LRP1B: variants seen among roughly 807,000 people sequenced by gnomAD.
LRP1B encodes low-density lipoprotein receptor-related protein 1B.
In LRP1B, 217 loss-of-function variants were observed where a neutral mutation model predicts 556.6. The observed-to-expected ratio is 0.39, with a 90% CI of 0.35 to 0.44. The LOEUF is 0.44. Ranked by LOEUF, LRP1B falls within the 20% of genes least tolerant of loss-of-function variation. The probability of loss-of-function intolerance (pLI) is 1.00; values close to 1 mark genes in which losing one functional copy is unlikely to be tolerated. For synonymous variants in LRP1B, 2,047 were observed against 1,865.8 expected (o/e 1.10, Z -2.50); for missense variants, 5,053 against 5,620.8 (o/e 0.90, Z 3.23).
At chr2:141,836,544 G>A (rs754389175) in intron 1 of LRP1B, among the ~76,000 whole-genome samples, 4 of 151,678 alleles carry the variant, frequency 2.6e-5, no homozygotes, top group Non-Finnish European at 4.4e-5. Context: ...GAGCATCACC[G>A]GCAAATATTA....
intron 14 of LRP1B, among the ~76,000 whole-genome samples, chr2:141,006,839 C>T (rs929116606): frequency 1.3e-5 from 2 of 151,830 alleles, no homozygotes; most frequent in African/African-American, 4.8e-5. Context: ...TGTATCTAAA[C>T]ATATAAAAGT....
At position 141,329,655 on chromosome 2, in the gene LRP1B, A is replaced by AAAACAAAAAAAAAC. The variant is rs769816988; in HGVS notation, c.344-75015_344-75014insGTTTTTTTTTGTTT. On this transcript the variant is annotated intron_variant, in intron 3 of 90. Coordinates refer to ENST00000389484, the MANE Select transcript of LRP1B (RefSeq NM_018557.3). ...CGAGACTCTGTCTCAAAAAAAAAAA[A>AAAACAAAAAAAAAC]AAAAAAAAAACTATCTCTCTCTCTA... 3.6e-5 allele frequency among the ~76,000 whole-genome samples: 5 copies of AAAACAAAAAAAAAC among 138,134 alleles called. 1 individual carries two copies. The highest frequency in any genetic ancestry group is 2.0e-4 in the East Asian group (1 of 4,904). 90.6% of individuals were successfully genotyped at this position (138,134 alleles called of 152,430 possible).
chr2:141,649,204 C>T lies in LRP1B; in HGVS notation c.205+161075G>A, dbSNP rs531208018. ...TAAGTTTGCAGGGTTATCTTTTGGA[C>T]ACATGGGAGCCTGGTAAGATAAGGA... On this transcript the variant is annotated intron_variant, in intron 2 of 90. Coordinates refer to ENST00000389484, the MANE Select transcript of LRP1B (RefSeq NM_018557.3). 4.5e-4 allele frequency among the ~76,000 whole-genome samples: 69 copies of T among 152,158 alleles called. No individual in the cohort carries two copies. In the South Asian group the frequency reaches 5.6e-3, roughly 12 times the overall value.
intron 2 of LRP1B, among the ~76,000 whole-genome samples, chr2:141,562,349 T>G (rs1463613105): frequency 1.3e-5 from 2 of 152,044 alleles, no homozygotes; most frequent in African/African-American, 4.8e-5. Flanking sequence ...CTTTTCCATA[T>G]CCAATAGCTA....
intron 86 of LRP1B, among the ~76,000 whole-genome samples, chr2:140,254,193 TTAAAA>T (rs756050976): frequency 7.9e-5 from 12 of 152,146 alleles, no homozygotes; most frequent in South Asian, 2.1e-4. Flanking sequence ...TAACTGCACT[TTAAAA>T]TAAAGCAGTT....
At chr2:140,516,443 A>G (rs1389269217) in intron 50 of LRP1B, among the ~76,000 whole-genome samples, 1 of 152,070 alleles carries the variant, frequency 6.6e-6, no homozygotes, top group Non-Finnish European at 1.5e-5. Context: ...TATATAAGGG[A>G]CTTGAGCATC....
At chr2:141,915,338 A>G (rs1558958642) in intron 1 of LRP1B, among the ~76,000 whole-genome samples, 1 of 152,182 alleles carries the variant, frequency 6.6e-6, no homozygotes, top group Non-Finnish European at 1.5e-5. Flanking sequence ...ACAACAATAC[A>G]GCATACAAAA....
intron 6 of LRP1B, among the ~76,000 whole-genome samples, chr2:141,228,504 G>T (rs1466750567): frequency 6.7e-6 from 1 of 149,200 alleles, no homozygotes; most frequent in African/African-American, 2.5e-5. Context: ...ATGAGTGTGT[G>T]TGTGTACTCC....
At chr2:140,694,937 C>A (rs1686374553) in intron 41 of LRP1B, among the ~76,000 whole-genome samples, 1 of 151,242 alleles carries the variant, frequency 6.6e-6, no homozygotes, top group Admixed American at 6.6e-5. Context: ...AAATTTTTTT[C>A]TTACATATGT....
intron 71 of LRP1B, among the ~76,000 whole-genome samples, chr2:140,370,473 T>G (rs1166814795): frequency 6.6e-6 from 1 of 151,976 alleles, no homozygotes; most frequent in East Asian, 1.9e-4. Context: ...TGGTAGACAC[T>G]CAGTAAACAC....
At chr2:141,595,557 A>G (rs1687485378) in intron 2 of LRP1B, among the ~76,000 whole-genome samples, 1 of 152,126 alleles carries the variant, frequency 6.6e-6, no homozygotes, top group Admixed American at 6.6e-5. Flanking sequence ...TTTGAAGTGT[A>G]TAATTTATTT....
chr2:141,349,988 A>T (rs1688387225), intron 3 of LRP1B, among the ~76,000 whole-genome samples: 1 of 152,108 alleles, frequency 6.6e-6, no homozygotes, highest in Admixed American at 6.5e-5. Flanking sequence ...AGGCCACACA[A>T]TCATGCCAGA....
At chr2:141,168,038 T>C (rs549300145) in intron 7 of LRP1B, among the ~76,000 whole-genome samples, 6 of 152,106 alleles carry the variant, frequency 3.9e-5, no homozygotes, top group African/African-American at 1.4e-4. Flanking sequence ...AGTATAATAG[T>C]TTTCAGACAA....
At chr2:141,014,781 T>C (rs1697854928) in intron 13 of LRP1B, among the ~76,000 whole-genome samples, 1 of 152,110 alleles carries the variant, frequency 6.6e-6, no homozygotes, top group Admixed American at 6.6e-5. Flanking sequence ...GCATAAAGAT[T>C]TATCTAGCAC....
chr2:140,401,446 T>G (rs1230318342), intron 66 of LRP1B, among the ~76,000 whole-genome samples: 1 of 152,146 alleles, frequency 6.6e-6, no homozygotes, highest in Non-Finnish European at 1.5e-5. Context: ...AGTTGTGCTC[T>G]CCACTGGAAC....
intron 31 of LRP1B, among the ~76,000 whole-genome samples, chr2:140,826,462 C>T (rs1390397483): frequency 6.6e-6 from 1 of 152,108 alleles, no homozygotes; most frequent in East Asian, 1.9e-4. Context: ...GCTTCACTCT[C>T]CCCAAGAGAA....
chr2:140,608,877 C>T (rs903849627), intron 41 of LRP1B, among the ~76,000 whole-genome samples: 7 of 152,036 alleles, frequency 4.6e-5, no homozygotes, highest in Admixed American at 2.6e-4. Flanking sequence ...TTTCTTTTGC[C>T]GGCTTTAAAA....
intron 41 of LRP1B, among the ~76,000 whole-genome samples, chr2:140,696,240 A>G (rs549592478): frequency 6.6e-6 from 1 of 152,178 alleles, no homozygotes. Context: ...TGAGGGTTTT[A>G]GTTTTGATTT....
intron 84 of LRP1B, among the ~76,000 whole-genome samples, chr2:140,296,198 A>G (rs1202470674): frequency 6.6e-6 from 1 of 152,200 alleles, no homozygotes; most frequent in Non-Finnish European, 1.5e-5. Flanking sequence ...TCCCGTAATG[A>G]GGGCAGAAGA....
Sources: gnomAD v4.1 joint callset for allele counts (sites outside exome capture counted in the v4.1 genomes callset) on GRCh38, gnomAD v4.1.1 for gene constraint, MANE v1.5 for transcripts, NCBI Gene and HGNC (gene_info 2026-07-23, HGNC 2026-07-21) for gene names.